SART1: variants seen among roughly 807,000 people sequenced by gnomAD.
SART1 encodes the protein spliceosome associated factor 1, recruiter of U4/U6.U5 tri-snRNP.
SART1 carries 28 observed loss-of-function variants against 105.0 expected under a neutral mutation model. The observed-to-expected ratio is 0.27, with a 90% CI of 0.20 to 0.37. The LOEUF is 0.37. Ranked by LOEUF, SART1 falls within the 10% of genes least tolerant of loss-of-function variation. The pLI, the probability that SART1 is intolerant of heterozygous loss-of-function variation, is 1.00. For synonymous variants in SART1, 472 were observed against 462.9 expected (o/e 1.02, Z -0.25); for missense variants, 894 against 1,106.5 (o/e 0.81, Z 2.72).
chr11:65,967,601 A>G lies in SART1; in HGVS notation c.1429+15A>G, dbSNP rs752256921. 114 of 1,606,624 alleles carry G rather than the reference A, an allele frequency of 7.1e-5. 1 individual carries two copies. The highest frequency in any genetic ancestry group is 2.4e-4 in the African/African-American group (18 of 74,672). On this transcript the variant is annotated intron_variant, in intron 11 of 19. Coordinates refer to ENST00000312397, the MANE Select transcript of SART1 (RefSeq NM_005146.5). The stretch of plus-strand genomic sequence containing the variant: ...CAGTGATGAGGGTGAGGGCCCGGCC[A>G]GGGGGTGGGAGGGGCAGGGACAGGA...
intron 12 of SART1, among the ~76,000 whole-genome samples, chr11:65,972,823 G>C (rs1009335293): frequency 1.7e-4 from 26 of 151,574 alleles, no homozygotes; most frequent in Non-Finnish European, 3.4e-4. Flanking sequence ...CAGGTTCCAT[G>C]GGTGAGTTTC....
rs1055690035 is a variant in SART1, at chr11:65,965,104, A to C, written c.440A>C (p.Lys147Thr). ...VNAIKKEAGT[K>T]EEPVTADVIN... ...GCCCCCCTTCCAGAGGCGGGCACCA[A>C]GGAGGAGCCCGTGACAGCTGATGTC... The change falls in exon 4 of 20, where the codon AAG (lysine) becomes ACG (threonine). Residue 147 changes from lysine to threonine, a missense_variant. This residue lies in a region of SART1 where 712 missense variants were observed against 778.2 expected (regional missense o/e 0.91). Coordinates refer to ENST00000312397, the MANE Select transcript of SART1 (RefSeq NM_005146.5). The C allele has an allele frequency of 6.3e-7, 1 of 1,579,220 alleles. No homozygotes were observed. The highest frequency in any genetic ancestry group is 8.6e-7 in the Non-Finnish European group (1 of 1,167,498).
At position 65,962,109 on chromosome 11, in the gene SART1, CTGCGCAGGGGGCGGGTCGGGCGGGG is replaced by C; in HGVS notation, c.313+17_313+41del. Reference sequence around the variant, plus strand: ...TACGAGGCCGGTGAGGAGGCGGGGCCTGCGCAGGGGGCGGGTCGGGCGGGGGTCCCGGAACGCGTGGGTCTGGGTG... The same window carrying C: ...TACGAGGCCGGTGAGGAGGCGGGGCCGTCCCGGAACGCGTGGGTCTGGGTG... On this transcript the variant is annotated intron_variant, in intron 1 of 19. Transcript: ENST00000312397. 4.4e-6 allele frequency: 1 copy of C among 228,256 alleles called. No individual in the cohort carries two copies. Among genetic ancestry groups the C allele is most frequent in the Non-Finnish European group, 7.0e-6 (1 of 143,208 alleles). 14.1% of individuals were successfully genotyped at this position (228,256 alleles called of 1,614,324 possible).
chr11:65,971,860 G>T (rs1855385738), intron 12 of SART1, among the ~76,000 whole-genome samples: 1 of 152,066 alleles, frequency 6.6e-6, no homozygotes, highest in Non-Finnish European at 1.5e-5. Context: ...TTACTGGATT[G>T]AAGTTAATAC....
intron 3 of SART1, 102 bp downstream of exon 3, chr11:65,964,672 C>T: frequency 2.6e-6 from 3 of 1,152,020 alleles, no homozygotes; most frequent in Non-Finnish European, 3.7e-6. Context: ...GTTTAGTGGT[C>T]TTACACATGC....
rs984784866 is a variant in SART1, at chr11:65,976,647, G to A, written c.1747-9G>A. The A allele has an allele frequency of 1.9e-6, 3 of 1,613,518 alleles. No homozygotes were observed. The African/African-American group carries it at 4.0e-5, about 22-fold the overall frequency. On this transcript the variant is annotated splice_polypyrimidine_tract_variant and intron_variant, in intron 13 of 19. Coordinates refer to ENST00000312397, the MANE Select transcript of SART1 (RefSeq NM_005146.5). This position sits in a 1 kb window ranked among gnomAD's most constrained non-coding sequence, Gnocchi z 5.1. ...GGGCCTGGGCCGACCCTGGTCTTTT[G>A]TGCCCCAGGACTTTGAACGGGATGA...
At chr11:65,975,396 C>T (rs768482793) in intron 12 of SART1, among the ~76,000 whole-genome samples, 20 of 146,920 alleles carry the variant, frequency 1.4e-4, no homozygotes, top group East Asian at 2.0e-4. Flanking sequence ...AGCAACCACC[C>T]GGCCCCTGGA....
intron 12 of SART1, among the ~76,000 whole-genome samples, chr11:65,974,288 C>T (rs1374690460): frequency 1.4e-5 from 2 of 145,228 alleles, no homozygotes; most frequent in East Asian, 4.1e-4. Flanking sequence ...GCAGGAGAAT[C>T]ACTTGAACCC....
chr11:65,966,678 C>A, intron 9 of SART1, 122 bp downstream of exon 9: 1 of 1,162,324 alleles, frequency 8.6e-7, no homozygotes, highest in Non-Finnish European at 1.2e-6. Context: ...CTTGGCCTCG[C>A]GGGTGAGCAC....
At position 65,976,950 on chromosome 11, in the gene SART1, C is replaced by T. The variant is rs542332; in HGVS notation, c.1858-64C>T. On this transcript the variant is annotated intron_variant, in intron 14 of 19. Transcript: ENST00000312397. This position sits in a 1 kb window ranked among gnomAD's most constrained non-coding sequence, Gnocchi z 5.1. ...AGGGCTGGTGCCTGGCAGGTGGTGA[C>T]CAGTGGGTGGGGCTGAGAAGAGCCG... 0.46 allele frequency: 618,784 copies of T among 1,353,510 alleles called. 144,502 individuals carry two copies. The highest frequency in any genetic ancestry group is 0.64 in the Admixed American group (37,466 of 58,848). 83.8% of individuals were successfully genotyped at this position (1,353,510 alleles called of 1,614,324 possible).
intron 1 of SART1, 26 bp downstream of exon 1, chr11:65,962,119 GGC>G: frequency 9.0e-7 from 1 of 1,109,928 alleles, no homozygotes; most frequent in Non-Finnish European, 1.2e-6. Context: ...CTGCGCAGGG[GGC>G]GGGTCGGGCG....
chr11:65,975,503 C>T (rs1249906652), intron 12 of SART1, among the ~76,000 whole-genome samples: 3 of 148,852 alleles, frequency 2.0e-5, no homozygotes, highest in Non-Finnish European at 4.4e-5. Flanking sequence ...ATCTCCCAAG[C>T]TCAAGCAGTA....
intron 12 of SART1, among the ~76,000 whole-genome samples, chr11:65,971,486 A>AGCT (rs1233843612): frequency 4.2e-4 from 10 of 23,750 alleles, no homozygotes; most frequent in East Asian, 1.3e-3. Context: ...GGGATTCATG[A>AGCT]GCTGAGGAGG....
At chr11:65,972,399 C>T (rs1356048051) in intron 12 of SART1, among the ~76,000 whole-genome samples, 1 of 152,140 alleles carries the variant, frequency 6.6e-6, no homozygotes, top group Non-Finnish European at 1.5e-5. Flanking sequence ...TTATACCTCA[C>T]ACCTTGCAGA....
chr11:65,976,678 G>A lies in SART1; in HGVS notation c.1769G>A (p.Arg590His), dbSNP rs149149066. The change falls in exon 14 of 20, where the codon CGC becomes CAC. Residue 590 changes from arginine to histidine, a missense_variant. Physicochemically the swap from Arg to His is conservative, Grantham distance 29 (BLOSUM62 0). Around this residue, in one of 2 missense-constraint regions of SART1, gnomAD observed 182 missense variants for 328.3 expected, o/e 0.55. Coordinates refer to ENST00000312397, the MANE Select transcript of SART1 (RefSeq NM_005146.5). This position sits in a 1 kb window ranked among gnomAD's most constrained non-coding sequence, Gnocchi z 5.1. ...ELMDFERDEE[R>H]SANGGSESDG... ...CAGGACTTTGAACGGGATGAGGAGC[G>A]CTCAGCCAACGGTGGCTCCGAATCT... The A allele has an allele frequency of 1.8e-5, 29 of 1,613,568 alleles. No homozygotes were observed. Among genetic ancestry groups the A allele is most frequent in the East Asian group, 4.5e-5 (2 of 44,884 alleles).
intron 9 of SART1, 76 bp from the exon 10 acceptor site, chr11:65,967,183 G>C (rs879854210): frequency 3.2e-6 from 5 of 1,570,264 alleles, no homozygotes; most frequent in Non-Finnish European, 4.3e-6. Flanking sequence ...CACCAAAGAA[G>C]TGTTCACCCT....
At chr11:65,969,414 C>G (rs1434966266) in intron 12 of SART1, among the ~76,000 whole-genome samples, 2 of 152,202 alleles carry the variant, frequency 1.3e-5, no homozygotes, top group Non-Finnish European at 2.9e-5. Context: ...CCGTGGATCT[C>G]AGCCTGCCTG....
At chr11:65,967,000 C>T (rs1434345083) in intron 9 of SART1, among the ~76,000 whole-genome samples, 1 of 152,104 alleles carries the variant, frequency 6.6e-6, no homozygotes, top group Non-Finnish European at 1.5e-5. Flanking sequence ...AAGAGCAGGA[C>T]TCTGGAGCCA....
rs556643 is a variant in SART1, at chr11:65,965,818, G to A, written c.738+39G>A. On this transcript the variant is annotated intron_variant, in intron 6 of 19. Transcript: ENST00000312397. ...AGGGGTGGTACAGGGGACACTGGTG[G>A]CCTTGCTACCGGAATCCCGAGGTTG... The A allele has an allele frequency of 0.47, 751,084 of 1,612,746 alleles. 178,751 individuals are homozygous for A. The highest frequency in any genetic ancestry group is 0.71 in the East Asian group (31,847 of 44,838).
Sources: allele counts gnomAD v4.1 joint callset (sites outside exome capture counted in the v4.1 genomes callset), GRCh38; gene constraint gnomAD v4.1.1; regional missense constraint gnomAD v4.1.1; non-coding constraint Gnocchi (gnomAD v3.1); transcripts MANE v1.5; gene names NCBI Gene and HGNC (gene_info 2026-07-23, HGNC 2026-07-21).